LINC00305: variants seen among roughly 807,000 people sequenced by gnomAD.
LINC00305 encodes long independently transcribed non-coding RNA 305, also known as long intergenic non-protein coding RNA 305.
At chr18:64,123,277 A>C (rs1036792189) in intron 1 of LINC00305, among the ~76,000 whole-genome samples, 13 of 152,050 alleles carry the variant, frequency 8.5e-5, no homozygotes, top group Admixed American at 2.6e-4. Context: ...TCCCTAGTTT[A>C]TCTCTTCTCT....
chr18:64,101,387 C>T (rs1337593218), intron 1 of LINC00305, among the ~76,000 whole-genome samples: 1 of 152,138 alleles, frequency 6.6e-6, no homozygotes, highest in Non-Finnish European at 1.5e-5. Flanking sequence ...TTGAGAGGCG[C>T]ATGCTCTGAG....
At chr18:64,100,344 A>T (rs867527783) in intron 1 of LINC00305, among the ~76,000 whole-genome samples, 1 of 152,236 alleles carries the variant, frequency 6.6e-6, no homozygotes, top group Non-Finnish European at 1.5e-5. Context: ...TCTCCGCTAC[A>T]TGAAACTTCT....
At chr18:64,113,195 G>A (rs2051322701) in intron 1 of LINC00305, among the ~76,000 whole-genome samples, 3 of 152,174 alleles carry the variant, frequency 2.0e-5, no homozygotes, top group South Asian at 2.1e-4. Context: ...CAGTCAGAGG[G>A]ACGAGGGAAC....
At chr18:64,126,025 C>T (rs1660791158) in intron 1 of LINC00305, among the ~76,000 whole-genome samples, 1 of 152,126 alleles carries the variant, frequency 6.6e-6, no homozygotes, top group Admixed American at 6.6e-5. Flanking sequence ...CCTTCCTGGA[C>T]ACTGTTTCCT....
At chr18:64,088,151 A>T (rs1276423789) in intron 3 of LINC00305, among the ~76,000 whole-genome samples, 1 of 152,158 alleles carries the variant, frequency 6.6e-6, no homozygotes, top group Non-Finnish European at 1.5e-5. Context: ...GGAAAAAAAA[A>T]AAAGAAAGTC....
intron 1 of LINC00305, among the ~76,000 whole-genome samples, chr18:64,133,090 C>A (rs956842685): frequency 2.0e-5 from 3 of 152,142 alleles, no homozygotes; most frequent in African/African-American, 4.8e-5. Flanking sequence ...TTGTTTACAT[C>A]CCTTTGCTCA....
chr18:64,141,176 C>T (rs1178317940), intron 1 of LINC00305, among the ~76,000 whole-genome samples: 1 of 151,842 alleles, frequency 6.6e-6, no homozygotes, highest in Non-Finnish European at 1.5e-5. Flanking sequence ...CCCACCACAC[C>T]TTTAACCTAT....
intron 1 of LINC00305, among the ~76,000 whole-genome samples, chr18:64,107,617 G>A (rs2051296665): frequency 6.6e-6 from 1 of 152,164 alleles, no homozygotes; most frequent in Admixed American, 6.5e-5. Context: ...TGGTGGTGGA[G>A]GGTTTAGAGA....
chr18:64,097,378 A>G (rs2051248927), intron 3 of LINC00305, among the ~76,000 whole-genome samples: 2 of 152,154 alleles, frequency 1.3e-5, no homozygotes, highest in African/African-American at 4.8e-5. Flanking sequence ...CAGTAACACA[A>G]TATTTGCCAC....
At chr18:64,100,420 G>A (rs930578830) in intron 1 of LINC00305, among the ~76,000 whole-genome samples, 1 of 152,126 alleles carries the variant, frequency 6.6e-6, no homozygotes, top group African/African-American at 2.4e-5. Context: ...GGACTGTCCC[G>A]GTGCTGGGCC....
At chr18:64,096,761 A>G (rs1371239375) in intron 3 of LINC00305, among the ~76,000 whole-genome samples, 1 of 151,970 alleles carries the variant, frequency 6.6e-6, no homozygotes, top group Non-Finnish European at 1.5e-5. Flanking sequence ...TCTTTGTATT[A>G]CAAAACGTAG....
At chr18:64,113,405 T>C (rs907032000) in intron 1 of LINC00305, among the ~76,000 whole-genome samples, 10 of 152,254 alleles carry the variant, frequency 6.6e-5, no homozygotes, top group Non-Finnish European at 1.5e-4. Context: ...AAAAGAGCTA[T>C]AAATTATTTA....
chr18:64,101,261 T>C (rs1370554104), intron 1 of LINC00305, among the ~76,000 whole-genome samples: 1 of 152,188 alleles, frequency 6.6e-6, no homozygotes. Flanking sequence ...GACACCCACC[T>C]TAGGGTAAAG....
chr18:64,118,824 CTGTGTGTGTG>C (rs58215196), intron 1 of LINC00305, among the ~76,000 whole-genome samples: 2,356 of 144,434 alleles, frequency 0.016, 54 homozygotes, highest in African/African-American at 0.05. Context: ...CCCTGGGGGT[CTGTGTGTGTG>C]TGTGTGTGTG....
chr18:64,111,317 A>C (rs1385718329), intron 1 of LINC00305, among the ~76,000 whole-genome samples: 1 of 152,024 alleles, frequency 6.6e-6, no homozygotes, highest in Non-Finnish European at 1.5e-5. Context: ...TCATGATGAG[A>C]CTGTAAATCT....
intron 1 of LINC00305, among the ~76,000 whole-genome samples, chr18:64,113,780 G>C (rs1229507189): frequency 6.6e-6 from 1 of 152,156 alleles, no homozygotes; most frequent in African/African-American, 2.4e-5. Context: ...CTTTGCTGCT[G>C]GGTGACCACC....
rs2051428311 is a variant in LINC00305, at chr18:64,135,403, A to G, written n.314+13372T>C. On this transcript the variant is annotated intron_variant and non_coding_transcript_variant, in intron 1 of 3. Coordinates refer to ENST00000666468, the Ensembl canonical transcript of LINC00305. ...AGCTTGAACATTTTGTTAAGGCTAT[A>G]TATGTGCCAGTCAGTAACCCTGAGG... is the stretch of plus-strand genomic sequence containing the variant. Among the ~76,000 whole-genome samples, 5 of 152,226 alleles carry G rather than the reference A, an allele frequency of 3.3e-5. No individual in the cohort carries two copies. In the South Asian group the frequency reaches 8.3e-4, roughly 25 times the overall value.
chr18:64,080,329 G>A (rs1471538193), exon 4 of LINC00305: 1 of 457,454 alleles, frequency 2.2e-6, no homozygotes, highest in East Asian at 7.0e-5. Flanking sequence ...TCTTCTCTTT[G>A]ACAACCATGT....
chr18:64,088,125 G>A (rs1357692031), intron 3 of LINC00305, among the ~76,000 whole-genome samples: 1 of 151,710 alleles, frequency 6.6e-6, no homozygotes, highest in East Asian at 1.9e-4. Context: ...GGGCGACAGA[G>A]CGAGACTCCG....
Sources: allele counts gnomAD v4.1 joint callset (sites outside exome capture counted in the v4.1 genomes callset), GRCh38; gene constraint gnomAD v4.1.1; transcripts MANE v1.5; gene names NCBI Gene and HGNC (gene_info 2026-07-23, HGNC 2026-07-21).